Variants in SHTN1 observed in about 807,000 individuals in gnomAD.
SHTN1 encodes the protein shootin-1.
In SHTN1, 42 loss-of-function variants were observed where a neutral mutation model predicts 83.1. The observed-to-expected ratio is 0.51, with a 90% CI of 0.39 to 0.65. SHTN1 has a LOEUF of 0.65. Ranked by LOEUF, SHTN1 falls within the 30% of genes least tolerant of loss-of-function variation. The pLI, the probability that SHTN1 is intolerant of heterozygous loss-of-function variation, is 0.00. For missense variants in SHTN1, 622 were observed against 737.8 expected (o/e 0.84, Z 1.82); for synonymous variants, 224 against 247.7 (o/e 0.90, Z 0.90).
intron 2 of SHTN1, among the ~76,000 whole-genome samples, chr10:117,026,068 T>C (rs1438896683): frequency 6.6e-6 from 1 of 152,116 alleles, no homozygotes; most frequent in Non-Finnish European, 1.5e-5. Flanking sequence ...TCTTGCACCT[T>C]AGGTACCAGC....
intron 1 of SHTN1, among the ~76,000 whole-genome samples, chr10:117,054,217 C>A (rs533088002): frequency 6.6e-6 from 1 of 152,226 alleles, no homozygotes; most frequent in South Asian, 2.1e-4. Context: ...AGTTTAGACA[C>A]AACAACTGAC....
At chr10:117,109,380 T>G (rs973312377) in intron 1 of SHTN1, among the ~76,000 whole-genome samples, 3 of 151,980 alleles carry the variant, frequency 2.0e-5, no homozygotes, top group Non-Finnish European at 4.4e-5. Context: ...CATGTAAGCT[T>G]CCCTCAATAC....
chr10:116,954,254 G>A (rs757495998), intron 4 of SHTN1, 44 bp from the exon 5 acceptor site: 53 of 1,320,402 alleles, frequency 4.0e-5, no homozygotes, highest in Non-Finnish European at 5.1e-5. Flanking sequence ...GCAGCCAAAT[G>A]AGTATCTTGG....
At chr10:117,020,833 G>A (rs191961955) in intron 2 of SHTN1, among the ~76,000 whole-genome samples, 1 of 152,146 alleles carries the variant, frequency 6.6e-6, no homozygotes, top group East Asian at 1.9e-4. Context: ...TAAAAGTTTT[G>A]CTCGTGACAT....
At chr10:116,903,774 C>T (rs1255210456) in intron 15 of SHTN1, among the ~76,000 whole-genome samples, 1 of 152,132 alleles carries the variant, frequency 6.6e-6, no homozygotes, top group African/African-American at 2.4e-5. Flanking sequence ...TCTGAATACA[C>T]CAACACATTT....
intron 14 of SHTN1, among the ~76,000 whole-genome samples, chr10:116,911,068 C>A (rs999294520): frequency 1.3e-5 from 2 of 152,158 alleles, no homozygotes; most frequent in African/African-American, 4.8e-5. Flanking sequence ...ACTTACTGTG[C>A]ATAATAACTG....
chr10:116,890,008 C>T (rs186708632), intron 16 of SHTN1, among the ~76,000 whole-genome samples: 16 of 152,256 alleles, frequency 1.1e-4, no homozygotes, highest in East Asian at 9.7e-4. Flanking sequence ...GCCACAGAGC[C>T]GCATCAGTGA....
At chr10:117,004,944 G>A (rs375033100) in intron 1 of SHTN1, 78 bp downstream of exon 1, 2 of 1,373,456 alleles carry the variant, frequency 1.5e-6, no homozygotes, top group Non-Finnish European at 1.0e-6. Context: ...GCTTCCAACT[G>A]CCCTGGCCCC....
intron 16 of SHTN1, chr10:116,900,853 G>C: frequency 1.0e-6 from 1 of 985,216 alleles, no homozygotes; most frequent in Non-Finnish European, 1.2e-6. Flanking sequence ...ATTCATTCCA[G>C]AAGAGAAAAA....
intron 3 of SHTN1, among the ~76,000 whole-genome samples, chr10:116,960,698 T>C (rs1850154780): frequency 6.6e-6 from 1 of 152,150 alleles, no homozygotes; most frequent in South Asian, 2.1e-4. Flanking sequence ...ACTGGAGTAG[T>C]GATGTGGCGA....
chr10:116,895,983 A>T (rs1847503335), intron 16 of SHTN1, among the ~76,000 whole-genome samples: 1 of 152,138 alleles, frequency 6.6e-6, no homozygotes, highest in Non-Finnish European at 1.5e-5. Context: ...TCAATCCCCA[A>T]ACTGGAAGCT....
At chr10:117,078,572 AAAC>A (rs1853199309) in intron 1 of SHTN1, among the ~76,000 whole-genome samples, 2 of 152,304 alleles carry the variant, frequency 1.3e-5, no homozygotes, top group East Asian at 3.9e-4. Context: ...TGTGTATAAT[AAAC>A]TACTTAGCTT....
intron 14 of SHTN1, among the ~76,000 whole-genome samples, chr10:116,909,342 G>A (rs1366578231): frequency 6.6e-6 from 1 of 151,956 alleles, no homozygotes; most frequent in Non-Finnish European, 1.5e-5. Context: ...AAAATTTCTG[G>A]GTATTTTGGA....
chr10:117,123,515 C>G (rs1356567130), intron 1 of SHTN1, among the ~76,000 whole-genome samples: 2 of 152,138 alleles, frequency 1.3e-5, no homozygotes, highest in Admixed American at 6.5e-5. Flanking sequence ...GACCCCTGAC[C>G]TTGGGGGTCA....
chr10:117,062,618 T>C (rs1257206131), intron 1 of SHTN1, among the ~76,000 whole-genome samples: 2 of 152,196 alleles, frequency 1.3e-5, no homozygotes, highest in Non-Finnish European at 2.9e-5. Flanking sequence ...AATACCCAGT[T>C]TATAGGTTTA....
At chr10:116,972,548 C>T (rs998889406) in intron 2 of SHTN1, among the ~76,000 whole-genome samples, 1 of 152,192 alleles carries the variant, frequency 6.6e-6, no homozygotes, top group Non-Finnish European at 1.5e-5. Context: ...GGGAAGTCAG[C>T]CAGGATAACG....
chr10:116,917,520 T>A (rs1287875775), intron 12 of SHTN1, among the ~76,000 whole-genome samples: 1 of 152,202 alleles, frequency 6.6e-6, no homozygotes, highest in African/African-American at 2.4e-5. Flanking sequence ...AATACATTTT[T>A]AAAACATTTG....
At chr10:116,969,066 T>C (rs1850503687) in intron 2 of SHTN1, among the ~76,000 whole-genome samples, 1 of 152,240 alleles carries the variant, frequency 6.6e-6, no homozygotes, top group South Asian at 2.1e-4. Context: ...TAGTCACTCA[T>C]GTACATGTCT....
chr10:116,927,383 A>C (rs929986197), intron 11 of SHTN1, among the ~76,000 whole-genome samples: 2 of 152,194 alleles, frequency 1.3e-5, no homozygotes, highest in African/African-American at 4.8e-5. Context: ...TAAAGGAAAG[A>C]GGTTTAATTG....
Sources: allele counts gnomAD v4.1 joint callset (sites outside exome capture counted in the v4.1 genomes callset), GRCh38; gene constraint gnomAD v4.1.1; transcripts MANE v1.5; gene names NCBI Gene and HGNC (gene_info 2026-07-23, HGNC 2026-07-21).